ZNF18: variants seen among roughly 807,000 people sequenced by gnomAD.
ZNF18 encodes the protein heart development-specific gene 1 protein.
Under a neutral mutation model 58.1 loss-of-function variants are expected in ZNF18, and 42 were observed. That is an observed-to-expected ratio of 0.72 (90% CI 0.56 to 0.93). The LOEUF is 0.93. Among genes scored for constraint, ZNF18 ranks in the 40% least tolerant of loss-of-function variants. The pLI, the probability that ZNF18 is intolerant of heterozygous loss-of-function variation, is 0.00. For missense variants in ZNF18, 540 were observed against 644.2 expected (o/e 0.84, Z 1.75); for synonymous variants, 231 against 239.8 (o/e 0.96, Z 0.34).
chr17:11,997,667 GTCAC>G (rs1337741207), upstream of ZNF18, among the ~76,000 whole-genome samples: 3 of 152,214 alleles, frequency 2.0e-5, no homozygotes, highest in Admixed American at 6.5e-5. Flanking sequence ...CGTTCCTTCC[GTCAC>G]TCACTCACTA....
chr17:12,020,247 A>G, the ZNF18 span, among the ~76,000 whole-genome samples: 6 of 152,224 alleles, frequency 3.9e-5, no homozygotes, highest in African/African-American at 1.4e-4. Flanking sequence ...TTTAATGGGC[A>G]TACAAATTAC....
the ZNF18 span, among the ~76,000 whole-genome samples, chr17:12,009,493 C>T: frequency 2.0e-5 from 3 of 150,626 alleles, no homozygotes; most frequent in Non-Finnish European, 4.4e-5. Context: ...TGCTCTGTCA[C>T]CCAGGCTGGA....
At chr17:11,996,815 T>G (rs912478884) in intron 1 of ZNF18, 4 of 152,166 alleles carry the variant, frequency 2.6e-5, no homozygotes, top group African/African-American at 9.7e-5. Context: ...ATTACCCTGG[T>G]GTACAGATCA....
the ZNF18 span, among the ~76,000 whole-genome samples, chr17:12,013,365 G>T: frequency 1.3e-5 from 2 of 152,292 alleles, no homozygotes; most frequent in East Asian, 3.9e-4. Flanking sequence ...TTTGCTAAGA[G>T]AATTTTTTAG....
At chr17:11,983,019 C>T (rs1201866548) in intron 6 of ZNF18, among the ~76,000 whole-genome samples, 1 of 152,068 alleles carries the variant, frequency 6.6e-6, no homozygotes, top group African/African-American at 2.4e-5. Flanking sequence ...AATCTTAATT[C>T]TTTCAGAGAA....
the ZNF18 span, among the ~76,000 whole-genome samples, chr17:12,011,868 T>G: frequency 2.0e-5 from 3 of 151,462 alleles, no homozygotes; most frequent in Non-Finnish European, 2.9e-5. Context: ...ATCCAGCTAA[T>G]TTTTGTATTT....
chr17:12,008,378 A>T, the ZNF18 span, among the ~76,000 whole-genome samples: 1 of 152,116 alleles, frequency 6.6e-6, no homozygotes, highest in African/African-American at 2.4e-5. Flanking sequence ...TATTATTATT[A>T]TTCAGAGATG....
At chr17:12,002,915 CAAGG>C in the ZNF18 span, among the ~76,000 whole-genome samples, 1 of 152,084 alleles carries the variant, frequency 6.6e-6, no homozygotes, top group South Asian at 2.1e-4. Context: ...ACCACACGGA[CAAGG>C]AAGGGAGACC....
At chr17:11,988,686 A>C (rs1967906008) in intron 4 of ZNF18, among the ~76,000 whole-genome samples, 1 of 152,168 alleles carries the variant, frequency 6.6e-6, no homozygotes, top group Non-Finnish European at 1.5e-5. Context: ...GGAAAGAATA[A>C]TCCTCGACTA....
At chr17:11,997,714 C>G (rs1455052399), upstream of ZNF18, among the ~76,000 whole-genome samples, 1 of 152,232 alleles carries the variant, frequency 6.6e-6, no homozygotes, top group African/African-American at 2.4e-5. Context: ...ACTTCTCACC[C>G]GTCATTTATT....
the ZNF18 span, among the ~76,000 whole-genome samples, chr17:12,004,748 G>A: frequency 6.6e-6 from 1 of 152,010 alleles, no homozygotes; most frequent in African/African-American, 2.4e-5. Context: ...TTAGCTGGGT[G>A]TGGTGGCGCA....
the ZNF18 span, among the ~76,000 whole-genome samples, chr17:12,017,449 T>C: frequency 2.6e-5 from 4 of 152,332 alleles, no homozygotes; most frequent in African/African-American, 9.6e-5. Flanking sequence ...GCTAAGGCTA[T>C]ATGGAATATC....
At chr17:11,993,268 T>A (rs1398691552) in intron 1 of ZNF18, among the ~76,000 whole-genome samples, 1 of 152,110 alleles carries the variant, frequency 6.6e-6, no homozygotes. Context: ...TATATCTGCA[T>A]ACTAAAAAAT....
At chr17:11,990,710 A>AC (rs1237719883) in intron 3 of ZNF18, among the ~76,000 whole-genome samples, 160 bp from the exon 4 acceptor site, 1 of 151,678 alleles carries the variant, frequency 6.6e-6, no homozygotes, top group Non-Finnish European at 1.5e-5. Context: ...ACACACTCCA[A>AC]CCCCCTCCAA....
chr17:12,010,190 G>A, the ZNF18 span, among the ~76,000 whole-genome samples: 2 of 151,850 alleles, frequency 1.3e-5, no homozygotes, highest in South Asian at 2.1e-4. Context: ...GAATTTCACT[G>A]TATAAATATA....
At chr17:11,989,918 C>A (rs147399712) in intron 4 of ZNF18, among the ~76,000 whole-genome samples, 3 of 152,116 alleles carry the variant, frequency 2.0e-5, no homozygotes, top group Non-Finnish European at 4.4e-5. Context: ...AAATAAAACA[C>A]CAAGACTTCA....
intron 6 of ZNF18, among the ~76,000 whole-genome samples, chr17:11,979,326 A>G (rs916574797): frequency 2.6e-5 from 4 of 152,226 alleles, no homozygotes; most frequent in Non-Finnish European, 4.4e-5. Flanking sequence ...CTAGCTATGG[A>G]GCATTTAATT....
chr17:12,011,019 TG>T, the ZNF18 span: 1 of 749,350 alleles, frequency 1.3e-6, no homozygotes, highest in Non-Finnish European at 2.4e-6. Flanking sequence ...AACAGCATGC[TG>T]GGGAACATTG....
At chr17:12,020,001 T>C in the ZNF18 span, among the ~76,000 whole-genome samples, 12 of 152,356 alleles carry the variant, frequency 7.9e-5, no homozygotes, top group African/African-American at 2.4e-4. Flanking sequence ...TTTTCTTCTT[T>C]TAGCTACTGT....
Sources: allele counts gnomAD v4.1 joint callset (sites outside exome capture counted in the v4.1 genomes callset), GRCh38; gene constraint gnomAD v4.1.1; transcripts MANE v1.5; gene names NCBI Gene and HGNC (gene_info 2026-07-23, HGNC 2026-07-21).